The following PHOX2B variants were observed in gnomAD, a reference collection of about 807,000 sequenced individuals.
The protein encoded by PHOX2B is paired mesoderm homeobox protein 2B.
Under a neutral mutation model 15.5 loss-of-function variants are expected in PHOX2B, and 1 was observed. The ratio of observed to expected loss-of-function variants is 0.06; its 90% CI spans 0.02 to 0.31. The LOEUF (loss-of-function observed/expected upper bound fraction) is 0.31, where lower values mean the gene tolerates loss of function less well. Among genes scored for constraint, PHOX2B ranks in the 10% least tolerant of loss-of-function variants. The pLI, the probability that PHOX2B is intolerant of heterozygous loss-of-function variation, is 1.00. For missense variants in PHOX2B, 314 were observed against 436.4 expected (o/e 0.72, Z 2.50); for synonymous variants, 206 against 190.5 (o/e 1.08, Z -0.67).
At chr4:41,746,577 C>T (rs1033309269) in intron 2 of PHOX2B, among the ~76,000 whole-genome samples, 1 of 152,168 alleles carries the variant, frequency 6.6e-6, no homozygotes, top group Non-Finnish European at 1.5e-5. Flanking sequence ...TAAAAAGCCG[C>T]AGGTCCCAGA....
Position 41,747,786 on chromosome 4 carries a change from G to C in PHOX2B, c.242-250C>G, listed in dbSNP as rs1219189810. 40 of 675,038 alleles carry C rather than the reference G, an allele frequency of 5.9e-5. 1 individual carries two copies. Among genetic ancestry groups the C allele is most frequent in the South Asian group, 5.7e-4 (38 of 66,548 alleles). The allele number at this position is 675,038 out of a possible 1,614,324, so 41.8% of individuals were successfully genotyped here. On this transcript the variant is annotated intron_variant, in intron 1 of 2. Coordinates refer to ENST00000226382, the MANE Select transcript of PHOX2B (RefSeq NM_003924.4). Reference sequence around the variant, plus strand: ...GCCTTTGGGTGGATTGAAACAGCGCGATGTGACGGACTTGAGATAGTGCTT... The same window carrying C: ...GCCTTTGGGTGGATTGAAACAGCGCCATGTGACGGACTTGAGATAGTGCTT...
intron 1 of PHOX2B, 33 bp downstream of exon 1, chr4:41,748,337 G>A (rs749536907): frequency 6.2e-7 from 1 of 1,612,586 alleles, no homozygotes; most frequent in Admixed American, 1.7e-5. Flanking sequence ...CGGAAAGGCG[G>A]CTTCCTCCGC....
chr4:41,747,589 G>A (rs1248938999), intron 1 of PHOX2B, 53 bp from the exon 2 acceptor site: 33 of 1,494,048 alleles, frequency 2.2e-5, no homozygotes, highest in Non-Finnish European at 2.8e-5. Context: ...GCAGCTCGCC[G>A]GCCGTGGAGC....
At chr4:41,746,914 G>A (rs1733918453) in intron 2 of PHOX2B, among the ~76,000 whole-genome samples, 1 of 152,016 alleles carries the variant, frequency 6.6e-6, no homozygotes, top group Non-Finnish European at 1.5e-5. Flanking sequence ...TTGCAAATCT[G>A]ATGCAAGTCA....
chr4:41,745,977 C>A lies in PHOX2B; in HGVS notation c.775G>T (p.Ala259Ser). 7.8e-7 allele frequency: 1 copy of A among 1,285,242 alleles called. No individual in the cohort carries two copies. The highest frequency in any genetic ancestry group is 9.8e-7 in the Non-Finnish European group (1 of 1,019,508). The allele number at this position is 1,285,242 out of a possible 1,614,324, so 79.6% of individuals were successfully genotyped here. Residue 259 changes from alanine (A) to serine (S), a missense_variant, in exon 3 of 3, where the codon GCA becomes TCA. This residue lies in a region of PHOX2B where 157 missense variants were observed against 169.0 expected (regional missense o/e 0.93). Coordinates refer to ENST00000226382, the MANE Select transcript of PHOX2B (RefSeq NM_003924.4). The surrounding 1 kb of genome is among the most constrained non-coding windows in gnomAD (Gnocchi z 4.0). ...AAAAAAAAAA[A>S]AGGLAAAGGP... is the part of the protein sequence containing the mutation. ...CCAGCCGCAGCCAGGCCTCCAGCTGCCGCCGCTGCCGCTGCCGCCGCCGCC... is the reference window on the plus strand; with the variant it reads ...CCAGCCGCAGCCAGGCCTCCAGCTGACGCCGCTGCCGCTGCCGCCGCCGCC...
chr4:41,747,227 C>T, intron 2 of PHOX2B, 122 bp downstream of exon 2: 1 of 771,088 alleles, frequency 1.3e-6, no homozygotes, highest in Admixed American at 2.0e-5. Context: ...TTCTGATCGG[C>T]CATGGGGCCC....
chr4:41,744,290 A>C lies in PHOX2B; in HGVS notation c.*1517T>G, dbSNP rs908087031. The stretch of plus-strand genomic sequence containing the variant: ...AAAAAAAGAAATCAGACAGACATGC[A>C]CCTGATAACAAAAATATATACCATT... On this transcript the variant is annotated 3_prime_UTR_variant, in exon 3 of 3. Transcript: ENST00000226382. 2 of 226,686 alleles carry C rather than the reference A, an allele frequency of 8.8e-6. No individual in the cohort carries two copies. Among genetic ancestry groups the C allele is most frequent in the Admixed American group, 5.7e-5 (1 of 17,500 alleles). The allele number at this position is 226,686 out of a possible 1,614,324, so 14.0% of individuals were successfully genotyped here.
chr4:41,747,594 T>A, intron 1 of PHOX2B, 58 bp from the exon 2 acceptor site: 1 of 1,459,652 alleles, frequency 6.9e-7, no homozygotes, highest in Non-Finnish European at 9.5e-7. Context: ...TCGCCGGCCG[T>A]GGAGCTAGAA....
chr4:41,746,595 G>T (rs1733908760), intron 2 of PHOX2B, among the ~76,000 whole-genome samples: 1 of 152,160 alleles, frequency 6.6e-6, no homozygotes, highest in Non-Finnish European at 1.5e-5. Flanking sequence ...AGAAAGACCC[G>T]AAAAGGGAAG....
In PHOX2B at chr4:41,748,714, C is replaced by A; in HGVS notation, c.-104G>T. Reference sequence around the variant, plus strand: ...GATGTGCACAGCTCAACGCCTGCCTCCAAACTGGCCTCCTTACTACCAGCA... The same window carrying A: ...GATGTGCACAGCTCAACGCCTGCCTACAAACTGGCCTCCTTACTACCAGCA... On this transcript the variant is annotated 5_prime_UTR_variant, in exon 1 of 3. Transcript: ENST00000226382. The A allele has an allele frequency of 9.2e-7, 1 of 1,082,396 alleles. No individual in the cohort carries two copies. 67.0% of individuals were successfully genotyped at this position (1,082,396 alleles called of 1,614,324 possible).
At chr4:41,748,185 A>G (rs975796721) in intron 1 of PHOX2B, 185 bp downstream of exon 1, 9 of 650,754 alleles carry the variant, frequency 1.4e-5, no homozygotes, top group African/African-American at 1.1e-4. Context: ...TGACTAGGAT[A>G]GTGTAACCCT....
At position 41,744,845 on chromosome 4, in the gene PHOX2B, G is replaced by GA. The variant is rs972567482; in HGVS notation, c.*961dup. On this transcript the variant is annotated 3_prime_UTR_variant, in exon 3 of 3. Transcript: ENST00000226382. Reference sequence around the variant, plus strand: ...CGACGGGGTAGGCGGGAGCGAGGGGGAAAAAAAGAGTTGCGAAACATGAGA... The same window carrying GA: ...CGACGGGGTAGGCGGGAGCGAGGGGGAAAAAAAAGAGTTGCGAAACATGAGA... 3.9e-5 allele frequency: 9 copies of GA among 233,458 alleles called. No individual in the cohort carries two copies. Among genetic ancestry groups the GA allele is most frequent in the African/African-American group, 1.5e-4 (7 of 45,298 alleles). The allele number at this position is 233,458 out of a possible 1,614,324, so 14.5% of individuals were successfully genotyped here.
intron 2 of PHOX2B, 24 bp from the exon 3 acceptor site, chr4:41,746,346 C>A: frequency 6.2e-7 from 1 of 1,612,496 alleles, no homozygotes; most frequent in Non-Finnish European, 8.5e-7. Context: ...GAAGGAGAGA[C>A]GGTGAAGCAG....
Position 41,745,526 on chromosome 4 carries a change from A to G in PHOX2B, c.*281T>C. On this transcript the variant is annotated 3_prime_UTR_variant, in exon 3 of 3. Transcript: ENST00000226382. This position sits in a 1 kb window ranked among gnomAD's most constrained non-coding sequence, Gnocchi z 4.0. ...GCCGCGCTGCTCACAACCCCCGATC[A>G]GCAGGCGGAGCCCTGGCCCCGCTGC... is the stretch of plus-strand genomic sequence containing the variant. The G allele has an allele frequency of 2.5e-6, 1 of 403,356 alleles. No homozygotes were observed. The highest frequency in any genetic ancestry group is 4.5e-6 in the Non-Finnish European group (1 of 222,052). The allele number at this position is 403,356 out of a possible 1,614,324, so 25.0% of individuals were successfully genotyped here. A position where few individuals can be genotyped will look rare whatever the true frequency, so the allele number is the denominator to read the frequency against.
Position 41,747,534 on chromosome 4 carries a change from G to C in PHOX2B, c.244C>G (p.Pro82Ala). 6.2e-7 allele frequency: 1 copy of C among 1,606,142 alleles called. No homozygotes were observed. The change falls in exon 2 of 3, where the codon CCT becomes GCT. Residue 82 changes from proline to alanine, a missense_variant and splice_region_variant. By Grantham distance (27) the Pro-to-Ala change is conservative. Around this residue, in one of 7 missense-constraint regions of PHOX2B, gnomAD observed 102 missense variants for 155.1 expected, o/e 0.66. Coordinates refer to ENST00000226382, the MANE Select transcript of PHOX2B (RefSeq NM_003924.4). ...CCGTGGTCCGTGAAGAGTTTGTAAG[G>C]AACTAGAGTATGACAGAGGAGACAG... ...DHQSSPYAAV[P>A]YKLFTDHGGL...
At chr4:41,748,306 T>G (rs1005823397) in intron 1 of PHOX2B, 64 bp downstream of exon 1, 9 of 1,583,266 alleles carry the variant, frequency 5.7e-6, no homozygotes, top group African/African-American at 5.4e-5. Flanking sequence ...TCAAATGCAA[T>G]CAAGGCTTCC....
At position 41,745,990 on chromosome 4, in the gene PHOX2B, T is replaced by C. The variant is rs17884724; in HGVS notation, c.762A>G (p.Ala254=). Residue 254 remains alanine (A), a synonymous_variant, in exon 3 of 3, where the codon GCA becomes GCG. Transcript: ENST00000226382. The surrounding 1 kb of genome is among the most constrained non-coding windows in gnomAD (Gnocchi z 4.0). ...GGCCTCCAGCTGCCGCCGCTGCCGC[T>C]GCCGCCGCCGCCGCTGCCGCGGCCG... ...AAAAAAAAAA[A]AAAAAAGGLA... The C allele has an allele frequency of 2.4e-6, 3 of 1,235,968 alleles. No homozygotes were observed. Among genetic ancestry groups the C allele is most frequent in the African/African-American group, 1.6e-5 (1 of 62,790 alleles). 76.6% of individuals were successfully genotyped at this position (1,235,968 alleles called of 1,614,324 possible). A position where few individuals can be genotyped will look rare whatever the true frequency, so the allele number is the denominator to read the frequency against.
Position 41,746,212 on chromosome 4 carries a change from C to T in PHOX2B, c.540G>A (p.Arg180=). Residue 180 remains arginine, a synonymous_variant, in exon 3 of 3, where the codon AGG becomes AGA. Coordinates refer to ENST00000226382, the MANE Select transcript of PHOX2B (RefSeq NM_003924.4). ...TCTTGGCCTCTTTGCTCTCGTCGTC[C>T]CTGGAAGAGTCAGACTTTTTGCCCG... is the stretch of plus-strand genomic sequence containing the variant. ...GSSGKKSDSS[R]DDESKEAKST... is the part of the protein sequence containing the mutation. 3.1e-6 allele frequency: 5 copies of T among 1,613,858 alleles called. No individual in the cohort carries two copies. Among genetic ancestry groups the T allele is most frequent in the Middle Eastern group, 1.7e-4 (1 of 6,054 alleles).
chr4:41,746,368 A>G (rs1733901043), intron 2 of PHOX2B, 46 bp from the exon 3 acceptor site: 2 of 1,599,524 alleles, frequency 1.3e-6, no homozygotes, highest in Non-Finnish European at 1.7e-6. Flanking sequence ...GGGAGAAAGA[A>G]GAAAATGGGA....
Sources: allele counts gnomAD v4.1 joint callset (sites outside exome capture counted in the v4.1 genomes callset), GRCh38; gene constraint gnomAD v4.1.1; regional missense constraint gnomAD v4.1.1; non-coding constraint Gnocchi (gnomAD v3.1); transcripts MANE v1.5; gene names NCBI Gene and HGNC (gene_info 2026-07-23, HGNC 2026-07-21).